Variants in TRAPPC8 observed in about 807,000 individuals in gnomAD.
TRAPPC8 encodes general sporulation gene 1 homolog.
Under a neutral mutation model 174.3 loss-of-function variants are expected in TRAPPC8, and 54 were observed. That is an observed-to-expected ratio of 0.31 (90% CI 0.25 to 0.39). The LOEUF (loss-of-function observed/expected upper bound fraction) is 0.39, where lower values mean the gene tolerates loss of function less well. Ranked by LOEUF, TRAPPC8 falls within the 10% of genes least tolerant of loss-of-function variation. The probability of loss-of-function intolerance (pLI) is 1.00; values close to 1 mark genes in which losing one functional copy is unlikely to be tolerated. For missense variants in TRAPPC8, 1,531 were observed against 1,699.1 expected (o/e 0.90, Z 1.74); for synonymous variants, 630 against 579.9 (o/e 1.09, Z -1.24).
Position 31,909,659 on chromosome 18 carries a change from ATC to A in TRAPPC8, c.865+6_865+7del. 1 of 1,590,968 alleles carries A rather than the reference ATC, an allele frequency of 6.3e-7. No homozygotes were observed. Among genetic ancestry groups the A allele is most frequent in the Non-Finnish European group, 8.5e-7 (1 of 1,173,626 alleles). ...CAAAAGAGAAACTTAGAGAAAATAT[ATC>A]AAGACCTTTGACTTCGTTATCTAAT... is the stretch of plus-strand genomic sequence containing the variant. On this transcript the variant is annotated splice_donor_region_variant and intron_variant, in intron 6 of 28. Coordinates refer to ENST00000283351, the MANE Select transcript of TRAPPC8 (RefSeq NM_014939.5).
At position 31,874,488 on chromosome 18, in the gene TRAPPC8, C is replaced by A; in HGVS notation, c.1945G>T (p.Val649Phe). Residue 649 changes from valine (V) to phenylalanine (F), a missense_variant, in exon 13 of 29, where the codon GTT becomes TTT. Val to Phe is a conservative substitution (Grantham distance 50, BLOSUM62 -1). Transcript: ENST00000283351. ...TGAAAATAAGCAGTCACCTTGTAAACATAAAGATATTCTCTGAGGAAAGCC... is the reference window on the plus strand; with the variant it reads ...TGAAAATAAGCAGTCACCTTGTAAAAATAAAGATATTCTCTGAGGAAAGCC... ...QGAFLREYLY[V>F]YKNVSQLSPD... 6.2e-7 allele frequency: 1 copy of A among 1,613,804 alleles called. No individual in the cohort carries two copies. Among genetic ancestry groups the A allele is most frequent in the Non-Finnish European group, 8.5e-7 (1 of 1,179,780 alleles).
intron 1 of TRAPPC8, among the ~76,000 whole-genome samples, chr18:31,938,823 TG>T (rs1361002776): frequency 6.6e-6 from 1 of 152,220 alleles, no homozygotes; most frequent in Non-Finnish European, 1.5e-5. Context: ...GGCTCATGCC[TG>T]TAATCCCAGC....
intron 24 of TRAPPC8, among the ~76,000 whole-genome samples, chr18:31,850,132 G>A (rs1290290055): frequency 6.6e-6 from 1 of 151,792 alleles, no homozygotes; most frequent in African/African-American, 2.4e-5. Context: ...TTGTAGAGAC[G>A]GGGTTTTGCC....
At chr18:31,856,114 T>C (rs900009003) in intron 20 of TRAPPC8, among the ~76,000 whole-genome samples, 4 of 150,364 alleles carry the variant, frequency 2.7e-5, no homozygotes, top group African/African-American at 9.8e-5. Context: ...TTCTCTCTCT[T>C]TTTTTTTTGA....
intron 24 of TRAPPC8, among the ~76,000 whole-genome samples, chr18:31,852,243 AG>A (rs760155616): frequency 1.3e-5 from 2 of 152,054 alleles, no homozygotes; most frequent in South Asian, 2.1e-4. Flanking sequence ...CAGGAGGCTG[AG>A]GGGGGAGGAT....
intron 16 of TRAPPC8, chr18:31,869,893 A>T (rs1451962562): frequency 2.0e-5 from 3 of 152,188 alleles, no homozygotes; most frequent in African/African-American, 7.2e-5. Context: ...GGAGTTCGAG[A>T]TCAGCTTGGA....
Position 31,913,532 on chromosome 18 carries a change from A to G in TRAPPC8, c.618-10T>C, listed in dbSNP as rs1488248596. The G allele has an allele frequency of 1.3e-6, 2 of 1,561,410 alleles. No individual in the cohort carries two copies. The highest frequency in any genetic ancestry group is 1.7e-6 in the Non-Finnish European group (2 of 1,159,090). The stretch of plus-strand genomic sequence containing the variant: ...ATAAATTGATTCAGCTCTAAAACAG[A>G]AAATGGAAAAAAATCTGAAGTAAAA... On this transcript the variant is annotated splice_polypyrimidine_tract_variant and intron_variant, in intron 4 of 28. Coordinates refer to ENST00000283351, the MANE Select transcript of TRAPPC8 (RefSeq NM_014939.5).
At position 31,917,686 on chromosome 18, in the gene TRAPPC8, A is replaced by C; in HGVS notation, c.353-19T>G. The C allele has an allele frequency of 1.3e-6, 2 of 1,593,174 alleles. No homozygotes were observed. The highest frequency in any genetic ancestry group is 1.7e-4 in the Middle Eastern group (1 of 6,026). On this transcript the variant is annotated intron_variant, in intron 2 of 28. Coordinates refer to ENST00000283351, the MANE Select transcript of TRAPPC8 (RefSeq NM_014939.5). ...GTAGTGGCTAAAATTAACAATATAC[A>C]AAACAGTTAAAAGTATTCAATAGAA...
intron 19 of TRAPPC8, among the ~76,000 whole-genome samples, chr18:31,862,758 T>C (rs2034393033): frequency 6.6e-6 from 1 of 152,060 alleles, no homozygotes; most frequent in South Asian, 2.1e-4. Flanking sequence ...ACCATAAAAA[T>C]CATCCAGTAA....
intron 19 of TRAPPC8, among the ~76,000 whole-genome samples, chr18:31,863,433 T>C (rs748101320): frequency 1.3e-5 from 2 of 152,166 alleles, no homozygotes; most frequent in Non-Finnish European, 2.9e-5. Flanking sequence ...TTGTCTGTAT[T>C]GATGAAAAAC....
chr18:31,868,413 C>G (rs1405088275), intron 16 of TRAPPC8, among the ~76,000 whole-genome samples: 1 of 152,150 alleles, frequency 6.6e-6, no homozygotes, highest in Non-Finnish European at 1.5e-5. Context: ...AAAATATTCA[C>G]TTAACTTTAA....
At chr18:31,913,545 A>T in intron 4 of TRAPPC8, 23 bp from the exon 5 acceptor site, 1 of 1,548,102 alleles carries the variant, frequency 6.5e-7, no homozygotes, top group Non-Finnish European at 8.7e-7. Context: ...ATGGAAAAAA[A>T]TCTGAAGTAA....
chr18:31,873,793 T>C (rs2035009551), intron 13 of TRAPPC8: 1 of 349,644 alleles, frequency 2.9e-6, no homozygotes, highest in South Asian at 3.7e-5. Flanking sequence ...GCAAAACTTA[T>C]TTTAGTAAGC....
chr18:31,914,123 C>A (rs2037032710), intron 4 of TRAPPC8, among the ~76,000 whole-genome samples: 1 of 142,714 alleles, frequency 7.0e-6, no homozygotes, highest in African/African-American at 2.7e-5. Context: ...CAGAGTGAGA[C>A]CCCCATCTCA....
intron 19 of TRAPPC8, among the ~76,000 whole-genome samples, chr18:31,861,539 C>T (rs143800501): frequency 3.3e-5 from 5 of 152,206 alleles, no homozygotes; most frequent in East Asian, 3.9e-4. Flanking sequence ...AAAAGTAAAC[C>T]TCTATTCATA....
chr18:31,845,197 TAAATAAATA>T, intron 26 of TRAPPC8: 1 of 145,404 alleles, frequency 6.9e-6, no homozygotes, highest in South Asian at 2.3e-4. Context: ...AAAAAATAAA[TAAATAAATA>T]AAATAAAATA....
In TRAPPC8 at chr18:31,897,907, C is replaced by A; in HGVS notation, c.1491-16G>T. 1 of 1,601,000 alleles carries A rather than the reference C, an allele frequency of 6.2e-7. No individual in the cohort carries two copies. The highest frequency in any genetic ancestry group is 8.5e-7 in the Non-Finnish European group (1 of 1,171,724). ...CACCATATTCCTATAGAAAAAAGGA[C>A]AAGAAGATAAAATAGCACAATAATA... On this transcript the variant is annotated splice_polypyrimidine_tract_variant and intron_variant, in intron 10 of 28. Transcript: ENST00000283351.
intron 12 of TRAPPC8, among the ~76,000 whole-genome samples, chr18:31,886,899 T>C (rs1442376771): frequency 6.6e-6 from 1 of 152,110 alleles, no homozygotes; most frequent in Non-Finnish European, 1.5e-5. Flanking sequence ...GAGAATCACT[T>C]GAACCCGGGA....
chr18:31,922,677 T>G (rs1164446209), intron 2 of TRAPPC8, among the ~76,000 whole-genome samples: 1 of 152,156 alleles, frequency 6.6e-6, no homozygotes, highest in Non-Finnish European at 1.5e-5. Context: ...CCTTTCCATC[T>G]CTACATGTTC....
Sources: allele counts gnomAD v4.1 joint callset (sites outside exome capture counted in the v4.1 genomes callset), GRCh38; gene constraint gnomAD v4.1.1; transcripts MANE v1.5; gene names NCBI Gene and HGNC (gene_info 2026-07-23, HGNC 2026-07-21).